The following LARP4 variants were observed in gnomAD, a reference collection of about 807,000 sequenced individuals.
LARP4 encodes the protein La ribonucleoprotein 4.
LARP4 carries 29 observed loss-of-function variants against 92.9 expected under a neutral mutation model. The ratio of observed to expected loss-of-function variants is 0.31; its 90% CI spans 0.23 to 0.43. The LOEUF (loss-of-function observed/expected upper bound fraction) is 0.43. Among genes scored for constraint, LARP4 ranks in the 20% least tolerant of loss-of-function variants. The pLI is 1.00. For synonymous variants in LARP4, 279 were observed against 284.1 expected, an observed-to-expected ratio of 0.98 and a Z score of 0.18; for missense variants, 732 against 860.0, an observed-to-expected ratio of 0.85 and a Z score of 1.86.
chr12:50,428,864 T>C, intron 2 of LARP4, 71 bp from the exon 3 acceptor site: 2 of 1,181,020 alleles, frequency 1.7e-6, no homozygotes, highest in Non-Finnish European at 2.4e-6. Flanking sequence ...ATAGGTGACA[T>C]ACTGCCCAGA....
intron 13 of LARP4, among the ~76,000 whole-genome samples, chr12:50,468,632 TC>T (rs1266211088): frequency 6.6e-6 from 1 of 152,130 alleles, no homozygotes; most frequent in Non-Finnish European, 1.5e-5. Flanking sequence ...TCTTGGCTTT[TC>T]CATTTTCAGC....
At chr12:50,429,632 T>C (rs1184623973) in intron 3 of LARP4, among the ~76,000 whole-genome samples, 2 of 152,056 alleles carry the variant, frequency 1.3e-5, no homozygotes, top group Non-Finnish European at 2.9e-5. Context: ...TGGTGTTTTT[T>C]TGTTGTTGTT....
At chr12:50,435,766 GT>G (rs78808506) in intron 5 of LARP4, 142 bp downstream of exon 5, 3,241 of 484,826 alleles carry the variant, frequency 6.7e-3, no homozygotes, top group South Asian at 9.0e-3. Context: ...CTCTCTCTTT[GT>G]TTTTTTTTTT....
chr12:50,428,209 G>T (rs1949105334), intron 2 of LARP4, among the ~76,000 whole-genome samples: 1 of 151,884 alleles, frequency 6.6e-6, no homozygotes, highest in Non-Finnish European at 1.5e-5. Flanking sequence ...TGTATTTTTA[G>T]TAGAGATGGG....
intron 12 of LARP4, among the ~76,000 whole-genome samples, chr12:50,466,740 G>GA (rs1361882038): frequency 6.6e-6 from 1 of 152,186 alleles, no homozygotes; most frequent in South Asian, 2.1e-4. Flanking sequence ...GTTTACAAAA[G>GA]AAACAGGTGA....
chr12:50,430,231 G>T (rs571313522), intron 3 of LARP4, among the ~76,000 whole-genome samples: 2 of 152,214 alleles, frequency 1.3e-5, no homozygotes, highest in Admixed American at 1.3e-4. Context: ...GGGTATCATG[G>T]CACAAGTTTG....
intron 8 of LARP4, among the ~76,000 whole-genome samples, chr12:50,444,186 T>A (rs558065102): frequency 6.6e-6 from 1 of 152,312 alleles, no homozygotes; most frequent in South Asian, 2.1e-4. Context: ...ATGTATTTCA[T>A]TGTTAATTCA....
Position 50,475,905 on chromosome 12 carries a change from T to A in LARP4, c.*41T>A, listed in dbSNP as rs769506736. On this transcript the variant is annotated 3_prime_UTR_variant, in exon 16 of 16. Transcript: ENST00000398473. ...TTCAAAAACTTCACTCTCTTCCCAT[T>A]AAACTTGAACTGTGGCTATATTGAA... 1 of 1,557,064 alleles carries A rather than the reference T, an allele frequency of 6.4e-7. No individual in the cohort carries two copies. Among genetic ancestry groups the A allele is most frequent in the Non-Finnish European group, 8.8e-7 (1 of 1,136,814 alleles).
At position 50,429,066 on chromosome 12, in the gene LARP4, A is replaced by G. The variant is rs780745502; in HGVS notation, c.298A>G (p.Ser100Gly). The change falls in exon 3 of 16, where the codon AGT (serine) becomes GGT (glycine). Residue 100 changes from serine (S) to glycine (G), a missense_variant. Physicochemically the swap from Ser to Gly is moderately conservative, Grantham distance 56. This residue lies in a region of LARP4 where 236 missense variants were observed against 307.6 expected (regional missense o/e 0.77). Coordinates refer to ENST00000398473, the MANE Select transcript of LARP4 (RefSeq NM_052879.5). ...DGMILGPEDL[S>G]YQIYDVSGES... ...GATGATTTTAGGACCAGAAGATCTG[A>G]GTTACCAAATATATGATGTTTCCGG... The G allele has an allele frequency of 6.2e-7, 1 of 1,612,338 alleles. No homozygotes were observed. Among genetic ancestry groups the G allele is most frequent in the African/African-American group, 1.3e-5 (1 of 74,912 alleles).
Position 50,477,803 on chromosome 12 carries a change from T to C in LARP4, c.*1939T>C, listed in dbSNP as rs1331736439. The C allele has an allele frequency of 3.9e-5, 6 of 152,464 alleles. No homozygotes were observed. Among genetic ancestry groups the C allele is most frequent in the South Asian group, 2.1e-4 (1 of 4,834 alleles). 9.4% of individuals were successfully genotyped at this position (152,464 alleles called of 1,614,324 possible). A position where few individuals can be genotyped will look rare whatever the true frequency, so the allele number is the denominator to read the frequency against. ...ACAATAAAACTACCTGTGCTGAAAT[T>C]TGGGGGAAGTTTAGGTCCTTTAAAA... On this transcript the variant is annotated 3_prime_UTR_variant, in exon 16 of 16. Coordinates refer to ENST00000398473, the MANE Select transcript of LARP4 (RefSeq NM_052879.5).
chr12:50,452,429 G>A (rs558493786), intron 8 of LARP4, among the ~76,000 whole-genome samples: 74 of 152,128 alleles, frequency 4.9e-4, no homozygotes, highest in Middle Eastern at 6.8e-3. Flanking sequence ...TGCTTTGCCC[G>A]CCTCAACCTC....
chr12:50,438,590 G>A (rs1392778438), intron 6 of LARP4, among the ~76,000 whole-genome samples: 1 of 152,106 alleles, frequency 6.6e-6, no homozygotes, highest in Non-Finnish European at 1.5e-5. Context: ...TATGGTACAC[G>A]TACCGGAATA....
intron 1 of LARP4, chr12:50,402,795 G>A (rs965627624): frequency 2.2e-5 from 10 of 455,446 alleles, no homozygotes; most frequent in South Asian, 9.3e-5. Context: ...TAGCAATTCA[G>A]GCCTGTCCGA....
chr12:50,411,205 A>G (rs1162427410), intron 1 of LARP4, among the ~76,000 whole-genome samples: 2 of 149,608 alleles, frequency 1.3e-5, no homozygotes, highest in African/African-American at 4.9e-5. Flanking sequence ...TTTTTTTTGA[A>G]GATAGTGACT....
intron 5 of LARP4, among the ~76,000 whole-genome samples, chr12:50,436,174 G>GTGTA (rs1438602013): frequency 7.3e-6 from 1 of 136,612 alleles, no homozygotes; most frequent in African/African-American, 2.8e-5. Context: ...GTGTGTGTAT[G>GTGTA]TATATATATA....
intron 6 of LARP4, among the ~76,000 whole-genome samples, chr12:50,439,241 A>G (rs904446611): frequency 2.6e-5 from 4 of 152,046 alleles, no homozygotes; most frequent in East Asian, 1.9e-4. Context: ...GCCCCATTTC[A>G]TTATCATTTT....
rs1479399817 is a variant in LARP4, at chr12:50,461,328, G to A, written c.1315G>A (p.Gly439Arg). 3.1e-6 allele frequency: 5 copies of A among 1,613,928 alleles called. No individual in the cohort carries two copies. In the South Asian group the frequency reaches 4.4e-5, roughly 14 times the overall value. Residue 439 changes from glycine to arginine, a missense_variant, in exon 11 of 16, where the codon GGG becomes AGG. Gly to Arg is a moderately radical substitution (Grantham distance 125). Around this residue, in one of 7 missense-constraint regions of LARP4, gnomAD observed 264 missense variants for 269.5 expected, o/e 0.98. Coordinates refer to ENST00000398473, the MANE Select transcript of LARP4 (RefSeq NM_052879.5). ...ETSTLQVEQNGDYGRGRRTLF... is the reference protein window; with the variant it reads ...ETSTLQVEQNRDYGRGRRTLF... The stretch of plus-strand genomic sequence containing the variant: ...TTCCACTTTGCAGGTGGAACAGAAT[G>A]GGGACTATGGTAGGGGCAGGTAAGA...
At chr12:50,404,529 C>T (rs900800693) in intron 1 of LARP4, among the ~76,000 whole-genome samples, 3 of 151,894 alleles carry the variant, frequency 2.0e-5, no homozygotes, top group Admixed American at 1.3e-4. Context: ...CATTCCAGGC[C>T]GGGTGACAGA....
At chr12:50,414,533 G>A (rs1373400662) in intron 1 of LARP4, among the ~76,000 whole-genome samples, 1 of 152,102 alleles carries the variant, frequency 6.6e-6, no homozygotes, top group Non-Finnish European at 1.5e-5. Context: ...GAATTCCTTG[G>A]GTTAGGCGAT....
Sources: gnomAD v4.1 joint callset for allele counts (sites outside exome capture counted in the v4.1 genomes callset) on GRCh38, gnomAD v4.1.1 for gene constraint, gnomAD v4.1.1 regional missense constraint, MANE v1.5 for transcripts, NCBI Gene and HGNC (gene_info 2026-07-23, HGNC 2026-07-21) for gene names.